SOX5: variants seen among roughly 807,000 people sequenced by gnomAD.
The protein encoded by SOX5 is transcription factor SOX-5.
Under a neutral mutation model 92.0 loss-of-function variants are expected in SOX5, and 9 were observed. The observed-to-expected ratio is 0.10, with a 90% CI of 0.06 to 0.17. The LOEUF (loss-of-function observed/expected upper bound fraction) is 0.17. Among genes scored for constraint, SOX5 ranks in the 10% least tolerant of loss-of-function variants. SOX5 has a pLI of 1.00. For missense variants in SOX5, 642 were observed against 944.5 expected (o/e 0.68, Z 4.20); for synonymous variants, 344 against 336.3 (o/e 1.02, Z -0.25).
rs201198711 is a variant in SOX5 at position 23,529,625 on chromosome 12, C to A, written c.*4594G>T. On this transcript the variant is annotated 3_prime_UTR_variant, in exon 15 of 15. Coordinates refer to ENST00000451604, the MANE Select transcript of SOX5 (RefSeq NM_006940.6). ...AAACGAAAAACAGGTTGGTGGCAAC[C>A]CACATCTTTTTTTTAAGAGCACATA... 6.6e-6 allele frequency: 1 copy of A among 151,732 alleles called. No individual in the cohort carries two copies. The highest frequency in any genetic ancestry group is 1.9e-4 in the East Asian group (1 of 5,182). 9.4% of individuals were successfully genotyped at this position (151,732 alleles called of 1,614,324 possible).
chr12:23,911,214 C>T (rs938827179), intron 1 of SOX5, among the ~76,000 whole-genome samples: 2 of 152,006 alleles, frequency 1.3e-5, no homozygotes, highest in African/African-American at 4.8e-5. Context: ...CCTTAAAATA[C>T]TTACTTAACT....
chr12:23,733,883 T>C (rs1020472649), intron 6 of SOX5, among the ~76,000 whole-genome samples: 1 of 152,174 alleles, frequency 6.6e-6, no homozygotes, highest in Non-Finnish European at 1.5e-5. Context: ...GCTCCATGAA[T>C]TAGGTTCCTT....
At chr12:24,395,846 C>G (rs866734271) in intron 1 of SOX5, among the ~76,000 whole-genome samples, 15 of 152,206 alleles carry the variant, frequency 9.9e-5, no homozygotes, top group Non-Finnish European at 2.1e-4. Flanking sequence ...GTACTGCTAG[C>G]AGTGACATCA....
Position 24,037,622 on chromosome 12 carries a change from G to C in SOX5, c.-1-141598C>G, listed in dbSNP as rs537135173. On this transcript the variant is annotated intron_variant, in intron 4 of 4. Coordinates refer to the SOX5 transcript ENST00000446891. ...GTATACAGTGAAATAGATCATTCAA[G>C]TAATATTTAGCTTAAAAAATTCAAA... Among the ~76,000 whole-genome samples the C allele has an allele frequency of 7.9e-5, 12 of 152,180 alleles. No individual in the cohort carries two copies. In the South Asian group the frequency reaches 2.3e-3, roughly 29 times the overall value.
At chr12:23,821,385 C>G (rs2096113253) in intron 3 of SOX5, among the ~76,000 whole-genome samples, 1 of 152,232 alleles carries the variant, frequency 6.6e-6, no homozygotes, top group Non-Finnish European at 1.5e-5. Context: ...GATAATTTGA[C>G]TTCCTCTCTT....
chr12:24,510,280 A>T (rs2138296264), intron 1 of SOX5, among the ~76,000 whole-genome samples: 1 of 152,366 alleles, frequency 6.6e-6, no homozygotes, highest in South Asian at 2.1e-4. Context: ...ATACAAAAAA[A>T]ATGAGAGGAT....
chr12:23,913,522 G>C (rs1370054860), intron 1 of SOX5, among the ~76,000 whole-genome samples: 2 of 151,952 alleles, frequency 1.3e-5, no homozygotes, highest in Non-Finnish European at 2.9e-5. Flanking sequence ...AGGATCACGA[G>C]GTCGGGAGTT....
chr12:23,751,226 A>G (rs1220510356), intron 4 of SOX5, among the ~76,000 whole-genome samples: 2 of 151,920 alleles, frequency 1.3e-5, no homozygotes, highest in African/African-American at 4.8e-5. Flanking sequence ...TCAGAAAATA[A>G]TAAACATTTC....
At chr12:23,964,633 G>T (rs541705784) in intron 4 of SOX5, among the ~76,000 whole-genome samples, 1 of 152,172 alleles carries the variant, frequency 6.6e-6, no homozygotes, top group East Asian at 1.9e-4. Context: ...TGTTTGCCTC[G>T]TGCTTTATTA....
intron 3 of SOX5, among the ~76,000 whole-genome samples, chr12:23,778,334 G>C (rs1190906624): frequency 6.6e-6 from 1 of 152,154 alleles, no homozygotes; most frequent in African/African-American, 2.4e-5. Context: ...GAATGTGGAA[G>C]GTCTACAGAG....
chr12:24,412,652 T>G (rs1384695680), intron 1 of SOX5, among the ~76,000 whole-genome samples: 1 of 152,120 alleles, frequency 6.6e-6, no homozygotes, highest in Non-Finnish European at 1.5e-5. Context: ...ATATCCCATA[T>G]GATTTTAGTT....
chr12:23,911,726 A>AT (rs1173275264), intron 1 of SOX5, among the ~76,000 whole-genome samples: 1 of 152,092 alleles, frequency 6.6e-6, no homozygotes, highest in African/African-American at 2.4e-5. Flanking sequence ...ACTCCCACTA[A>AT]TTATGCATTG....
At chr12:24,242,075 C>T (rs1965653925) in intron 3 of SOX5, among the ~76,000 whole-genome samples, 1 of 152,104 alleles carries the variant, frequency 6.6e-6, no homozygotes, top group Admixed American at 6.6e-5. Flanking sequence ...TTCAGCTGGC[C>T]ATCGAAAGTT....
At chr12:24,357,608 C>T (rs147310443) in intron 2 of SOX5, among the ~76,000 whole-genome samples, 10 of 152,098 alleles carry the variant, frequency 6.6e-5, no homozygotes, top group South Asian at 2.1e-4. Flanking sequence ...TTTGGGAGGC[C>T]GAGGCGGGTG....
intron 3 of SOX5, among the ~76,000 whole-genome samples, chr12:24,261,049 C>T (rs1942009673): frequency 6.6e-6 from 1 of 152,012 alleles, no homozygotes; most frequent in Admixed American, 6.6e-5. Context: ...TCAATGAGTT[C>T]AAACAAACAT....
intron 8 of SOX5, among the ~76,000 whole-genome samples, chr12:23,605,454 CTAAA>C (rs1432217574): frequency 5.4e-5 from 8 of 148,252 alleles, no homozygotes; most frequent in Non-Finnish European, 1.2e-4. Flanking sequence ...ATTTAAATTA[CTAAA>C]TATTTAATTA....
At chr12:23,766,968 C>G (rs1051760428) in intron 3 of SOX5, among the ~76,000 whole-genome samples, 9 of 152,096 alleles carry the variant, frequency 5.9e-5, no homozygotes, top group African/African-American at 2.2e-4. Flanking sequence ...AATCCCAGCA[C>G]TTTGGGAAGC....
intron 1 of SOX5, among the ~76,000 whole-genome samples, chr12:24,409,468 T>G (rs961802233): frequency 4.6e-5 from 7 of 152,166 alleles, no homozygotes; most frequent in Non-Finnish European, 1.0e-4. Flanking sequence ...AAAAAATAAT[T>G]TTTTTTAAAG....
intron 1 of SOX5, among the ~76,000 whole-genome samples, chr12:24,523,427 C>T (rs918007076): frequency 6.6e-6 from 1 of 151,984 alleles, no homozygotes; most frequent in African/African-American, 2.4e-5. Flanking sequence ...GCTCAAATGG[C>T]CAAATCAATT....
Sources: allele counts gnomAD v4.1 joint callset (sites outside exome capture counted in the v4.1 genomes callset), GRCh38; gene constraint gnomAD v4.1.1; transcripts MANE v1.5; gene names NCBI Gene and HGNC (gene_info 2026-07-23, HGNC 2026-07-21).